LPAR1: variants seen among roughly 807,000 people sequenced by gnomAD.
LPAR1 encodes lysophosphatidic acid receptor 1.
In LPAR1, 5 loss-of-function variants were observed where a neutral mutation model predicts 23.8. That is an observed-to-expected ratio of 0.21 (90% CI 0.11 to 0.44). The LOEUF (loss-of-function observed/expected upper bound fraction) is 0.44, where lower values mean the gene tolerates loss of function less well. LPAR1 is among the 20% of genes least tolerant of loss of function. The pLI, the probability that LPAR1 is intolerant of heterozygous loss-of-function variation, is 0.99. For missense variants in LPAR1, 311 were observed against 482.8 expected (o/e 0.64, Z 3.33); for synonymous variants, 160 against 164.7 (o/e 0.97, Z 0.22).
chr9:110,928,578 A>G (rs116985942), intron 5 of LPAR1, among the ~76,000 whole-genome samples: 1,682 of 152,314 alleles, frequency 0.011, 20 homozygotes, highest in South Asian at 0.016. Flanking sequence ...TCTAATCTCT[A>G]CCGTCTGATC....
intron 5 of LPAR1, among the ~76,000 whole-genome samples, chr9:110,883,163 C>A (rs115084107): frequency 0.032 from 4,845 of 152,172 alleles, 102 homozygotes; most frequent in African/African-American, 0.053. Flanking sequence ...CCTCAGTCTC[C>A]TGAATAGCAG....
At chr9:110,987,749 C>T (rs7041721) in intron 2 of LPAR1, among the ~76,000 whole-genome samples, 3,027 of 151,632 alleles carry the variant, frequency 0.02, 101 homozygotes, top group African/African-American at 0.07. Context: ...TTCTGATCTG[C>T]ATTTGGTTGG....
At chr9:110,960,255 T>C (rs372197897) in intron 4 of LPAR1, among the ~76,000 whole-genome samples, 1 of 152,208 alleles carries the variant, frequency 6.6e-6, no homozygotes, top group Non-Finnish European at 1.5e-5. Context: ...ATAGCCTGAA[T>C]AGCCTGACTT....
chr9:111,002,416 A>G (rs923366100), intron 2 of LPAR1, among the ~76,000 whole-genome samples: 1 of 152,184 alleles, frequency 6.6e-6, no homozygotes, highest in Non-Finnish European at 1.5e-5. Flanking sequence ...TCACGGTAAT[A>G]TGTGTATGTA....
At chr9:111,034,491 T>G (rs985500653) in intron 2 of LPAR1, among the ~76,000 whole-genome samples, 5 of 152,228 alleles carry the variant, frequency 3.3e-5, no homozygotes, top group African/African-American at 1.2e-4. Flanking sequence ...AAGGTCCAGC[T>G]ATAACACAAT....
At chr9:110,967,356 G>C (rs893136690) in intron 4 of LPAR1, among the ~76,000 whole-genome samples, 1 of 152,186 alleles carries the variant, frequency 6.6e-6, no homozygotes. Flanking sequence ...CCCAGCAGGC[G>C]TGACAATGCA....
intron 5 of LPAR1, among the ~76,000 whole-genome samples, chr9:110,902,369 G>T (rs1170170532): frequency 6.6e-6 from 1 of 152,080 alleles, no homozygotes; most frequent in Non-Finnish European, 1.5e-5. Flanking sequence ...CATGGGGGTG[G>T]ATACCCTCAT....
chr9:110,928,604 A>C (rs895529986), intron 5 of LPAR1, among the ~76,000 whole-genome samples: 2 of 152,210 alleles, frequency 1.3e-5, no homozygotes, highest in Non-Finnish European at 2.9e-5. Flanking sequence ...ATACACACGC[A>C]CACATACATA....
At chr9:110,889,738 G>A (rs1340831599) in intron 5 of LPAR1, among the ~76,000 whole-genome samples, 1 of 152,134 alleles carries the variant, frequency 6.6e-6, no homozygotes, top group Admixed American at 6.5e-5. Flanking sequence ...AGCATATTGT[G>A]GTTACAAAAT....
chr9:110,958,582 G>A (rs2095839639), intron 4 of LPAR1, among the ~76,000 whole-genome samples: 1 of 151,976 alleles, frequency 6.6e-6, no homozygotes, highest in Non-Finnish European at 1.5e-5. Context: ...ATCAACTCAA[G>A]ATAAAGACTT....
rs1285978845 is a variant in LPAR1, at chr9:110,911,502, AC to A, written c.793+29918del. ...GGCTACAATGCACCAAGACTGTGCC[AC>A]TGCACTCCAGCCTGGGTGACAGAGG... On this transcript the variant is annotated intron_variant, in intron 5 of 5. Coordinates refer to ENST00000683809, the MANE Select transcript of LPAR1 (RefSeq NM_001351411.2). 4.6e-5 allele frequency among the ~76,000 whole-genome samples: 7 copies of A among 152,302 alleles called. No homozygotes were observed. In the East Asian group the frequency reaches 1.4e-3, roughly 29 times the overall value.
intron 5 of LPAR1, among the ~76,000 whole-genome samples, chr9:110,936,634 G>A (rs917948292): frequency 6.6e-6 from 1 of 152,184 alleles, no homozygotes; most frequent in Non-Finnish European, 1.5e-5. Context: ...TAAGACATAA[G>A]GAGTAATTTA....
intron 5 of LPAR1, among the ~76,000 whole-genome samples, chr9:110,925,379 C>G (rs1329595245): frequency 6.6e-6 from 1 of 152,022 alleles, no homozygotes; most frequent in Non-Finnish European, 1.5e-5. Context: ...CCCATATAGA[C>G]AATTCAAGCC....
intron 5 of LPAR1, among the ~76,000 whole-genome samples, chr9:110,876,321 C>T (rs1238482577): frequency 6.6e-6 from 1 of 152,180 alleles, no homozygotes; most frequent in Non-Finnish European, 1.5e-5. Flanking sequence ...TCTGTATCTA[C>T]AATAACAATA....
At chr9:110,960,079 A>G (rs75245660) in intron 4 of LPAR1, among the ~76,000 whole-genome samples, 1,681 of 152,316 alleles carry the variant, frequency 0.011, 30 homozygotes, top group African/African-American at 0.037. Context: ...AAGTTCTAAC[A>G]TTCGATAGCA....
chr9:111,025,289 C>T (rs1037352033), intron 2 of LPAR1, among the ~76,000 whole-genome samples: 1 of 152,200 alleles, frequency 6.6e-6, no homozygotes, highest in African/African-American at 2.4e-5. Context: ...TTGTATTTCT[C>T]TAATGACCAG....
rs146819697 is a variant in LPAR1, at chr9:110,983,307, A to C, written c.-181-9749T>G. Among the ~76,000 whole-genome samples, 402 of 152,244 alleles carry C rather than the reference A, an allele frequency of 2.6e-3. 2 individuals carry two copies. Among genetic ancestry groups the C allele is most frequent in the African/African-American group, 9.0e-3 (376 of 41,576 alleles). On this transcript the variant is annotated intron_variant, in intron 2 of 5. Coordinates refer to ENST00000683809, the MANE Select transcript of LPAR1 (RefSeq NM_001351411.2). ...AGACATAAACTAAATTGGTATATAC[A>C]TACAATGGCTTATCATCCAGCCTTC...
At chr9:110,881,643 G>A (rs190034108) in intron 5 of LPAR1, among the ~76,000 whole-genome samples, 41 of 152,248 alleles carry the variant, frequency 2.7e-4, no homozygotes, top group African/African-American at 9.6e-4. Flanking sequence ...GACCATTCAG[G>A]TGCTGAAAAG....
At chr9:110,916,204 G>A (rs2093070152) in intron 5 of LPAR1, among the ~76,000 whole-genome samples, 1 of 152,094 alleles carries the variant, frequency 6.6e-6, no homozygotes, top group Non-Finnish European at 1.5e-5. Context: ...GTAGTCCCTG[G>A]CAATAACCTT....
Sources: allele counts gnomAD v4.1 joint callset (sites outside exome capture counted in the v4.1 genomes callset), GRCh38; gene constraint gnomAD v4.1.1; transcripts MANE v1.5; gene names NCBI Gene and HGNC (gene_info 2026-07-23, HGNC 2026-07-21).